Variants in MUC22 observed in about 807,000 individuals in gnomAD.
The protein encoded by MUC22 is mucin 22.
Under a neutral mutation model 40.3 loss-of-function variants are expected in MUC22, and 24 were observed. The observed-to-expected ratio is 0.60, with a 90% CI of 0.43 to 0.84. The LOEUF (loss-of-function observed/expected upper bound fraction) is 0.84, where lower values mean the gene tolerates loss of function less well. Ranked by LOEUF, MUC22 falls within the 40% of genes least tolerant of loss-of-function variation. The pLI, the probability that MUC22 is intolerant of heterozygous loss-of-function variation, is 0.00. For synonymous variants in MUC22, 765 were observed against 844.5 expected, an observed-to-expected ratio of 0.91 and a Z score of 1.63; for missense variants, 1,926 against 2,130.7, an observed-to-expected ratio of 0.90 and a Z score of 1.89.
At chr6:31,031,923 A>C (rs924562881) in intron 2 of MUC22, among the ~76,000 whole-genome samples, 1 of 152,120 alleles carries the variant, frequency 6.6e-6, no homozygotes, top group Non-Finnish European at 1.5e-5. Flanking sequence ...TTCTGAACCC[A>C]TCGCGATAAC....
At chr6:31,022,400 G>A (rs1026311402) in intron 1 of MUC22, among the ~76,000 whole-genome samples, 1 of 152,072 alleles carries the variant, frequency 6.6e-6, no homozygotes, top group Non-Finnish European at 1.5e-5. Context: ...CTGGTGATCT[G>A]CCTGCCTCTG....
intron 2 of MUC22, among the ~76,000 whole-genome samples, chr6:31,030,530 A>G (rs1765981985): frequency 1.3e-5 from 2 of 151,380 alleles, no homozygotes; most frequent in South Asian, 4.2e-4. Flanking sequence ...AAAAAAAAAA[A>G]AAATGTCCTC....
At chr6:31,026,000 C>T (rs2150782631) in exon 2 of MUC22, 2 of 1,531,930 alleles carry the variant, frequency 1.3e-6, no homozygotes, top group African/African-American at 1.4e-5. Flanking sequence ...ACAGTCTCTA[C>T]CACAGGCTCT....
In MUC22 at chr6:31,029,563, GT is replaced by G; in HGVS notation, c.4135del (p.Ser1379LeufsTer17). ...TACTGAAGGCTCTGAGGCCACTACA[GT>G]TTCTACCACTAGCTCTGAGACCACC... On this transcript the variant is annotated frameshift_variant, in exon 2 of 4. Transcript: ENST00000561890. LOFTEE classifies it high-confidence loss of function. The G allele has an allele frequency of 6.5e-7, 1 of 1,529,018 alleles. No homozygotes were observed. The highest frequency in any genetic ancestry group is 8.8e-7 in the Non-Finnish European group (1 of 1,142,344). 94.7% of individuals were successfully genotyped at this position (1,529,018 alleles called of 1,614,324 possible).
chr6:31,009,393 C>T (rs542615523), upstream of MUC22, among the ~76,000 whole-genome samples: 1 of 152,270 alleles, frequency 6.6e-6, no homozygotes, highest in South Asian at 2.1e-4. Flanking sequence ...CACATGCATA[C>T]ACTCACCTAC....
intron 1 of MUC22, among the ~76,000 whole-genome samples, 154 bp downstream of exon 1, chr6:31,010,930 A>AGTACT (rs141828082): frequency 0.12 from 17,004 of 144,972 alleles, 1,166 homozygotes; most frequent in African/African-American, 0.16. Context: ...TGCAAAAGCC[A>AGTACT]GTACTGATCC....
At chr6:31,010,400 G>T, upstream of MUC22, 1 of 344,410 alleles carries the variant, frequency 2.9e-6, no homozygotes, top group Non-Finnish European at 5.3e-6. Flanking sequence ...GCCCCTCCCT[G>T]GGGAGGGAGG....
chr6:31,020,422 C>T (rs529173987), intron 1 of MUC22, among the ~76,000 whole-genome samples: 9 of 148,882 alleles, frequency 6.0e-5, no homozygotes, highest in African/African-American at 2.2e-4. Context: ...ACTGGAAGAC[C>T]TTGCCTCCTG....
Position 31,026,600 on chromosome 6 carries a change from C to G in MUC22, c.1169C>G (p.Ser390Cys). The change falls in exon 2 of 4, where the codon TCT becomes TGT. Residue 390 changes from serine (S) to cysteine (C), a missense_variant. By Grantham distance (112) the Ser-to-Cys change is moderately radical. Coordinates refer to ENST00000561890, the Ensembl canonical transcript of MUC22. Reference sequence around the variant, plus strand: ...ACAAGCTCTGAGACCACCGTCACCTCTACTGCAGGCTCTGAGACCACCACA... The same window carrying G: ...ACAAGCTCTGAGACCACCGTCACCTGTACTGCAGGCTCTGAGACCACCACA... 2.0e-6 allele frequency: 3 copies of G among 1,507,032 alleles called. No homozygotes were observed. The Middle Eastern group carries it at 5.1e-4, about 258-fold the overall frequency. The allele number at this position is 1,507,032 out of a possible 1,614,324, so 93.4% of individuals were successfully genotyped here.
exon 2 of MUC22, chr6:31,027,318 T>C (rs549585253): frequency 1.3e-6 from 2 of 1,529,160 alleles, no homozygotes; most frequent in African/African-American, 1.4e-5. Flanking sequence ...CCACAGCCTC[T>C]ACTGAAGGCT....
At chr6:31,012,520 C>G (rs908351308) in intron 1 of MUC22, among the ~76,000 whole-genome samples, 1 of 152,128 alleles carries the variant, frequency 6.6e-6, no homozygotes, top group African/African-American at 2.4e-5. Context: ...TTATAGAGCT[C>G]CTCCTCTGGG....
rs1442178061 is a variant in MUC22, at chr6:31,028,820, CCA to C, written c.3390_3391del (p.Ile1131ArgfsTer3). On this transcript the variant is annotated frameshift_variant, in exon 2 of 4. Coordinates refer to ENST00000561890, the Ensembl canonical transcript of MUC22. LOFTEE classifies it high-confidence loss of function. ...AGCTCTGAGACCACTACAGCCACTA[CCA>C]TAGGCTCTGAGACCACCACAGCCTC... 2.0e-6 allele frequency: 3 copies of C among 1,532,838 alleles called. No individual in the cohort carries two copies. Among genetic ancestry groups the C allele is most frequent in the African/African-American group, 1.4e-5 (1 of 72,804 alleles). The allele number at this position is 1,532,838 out of a possible 1,614,324, so 95.0% of individuals were successfully genotyped here. A position where few individuals can be genotyped will look rare whatever the true frequency, so the allele number is the denominator to read the frequency against.
At chr6:31,026,324 C>T (rs1203244123) in exon 2 of MUC22, 1 of 1,509,374 alleles carries the variant, frequency 6.6e-7, no homozygotes, top group Non-Finnish European at 8.9e-7. Flanking sequence ...TCTGAGACCA[C>T]CACCCCCTCC....
At chr6:31,031,638 T>C (rs1286068753) in intron 2 of MUC22, among the ~76,000 whole-genome samples, 1 of 152,168 alleles carries the variant, frequency 6.6e-6, no homozygotes, top group East Asian at 1.9e-4. Context: ...CACTGCACCA[T>C]ATTTGAAGTC....
chr6:31,010,561 C>T, exon 1 of MUC22: 1 of 618,980 alleles, frequency 1.6e-6, no homozygotes. Context: ...CTTACCCTGG[C>T]ACTGGCTGGC....
At chr6:31,014,618 A>T (rs1377542155) in intron 1 of MUC22, among the ~76,000 whole-genome samples, 18 of 152,196 alleles carry the variant, frequency 1.2e-4, no homozygotes, top group Admixed American at 1.1e-3. Context: ...GGGTAATGCT[A>T]AGCTGCTGTA....
Position 31,011,663 on chromosome 6 carries a change from CT to C in MUC22, c.70+893del, listed in dbSNP as rs1581599317. On this transcript the variant is annotated intron_variant, in intron 1 of 3. Coordinates refer to ENST00000561890, the Ensembl canonical transcript of MUC22. This position sits in a 1 kb window ranked among gnomAD's most constrained non-coding sequence, Gnocchi z 4.5. ...GCTATAAACATGTGTGTGCAAGTGT[CT>C]TTTTTGTATAATGACTTCTTTTCCT... 6.6e-6 allele frequency among the ~76,000 whole-genome samples: 1 copy of C among 152,154 alleles called. No homozygotes were observed. Among genetic ancestry groups the C allele is most frequent in the Non-Finnish European group, 1.5e-5 (1 of 68,034 alleles).
exon 2 of MUC22, chr6:31,026,148 A>T (rs1402209474): frequency 6.6e-7 from 1 of 1,523,156 alleles, no homozygotes; most frequent in Non-Finnish European, 8.8e-7. Context: ...AGGCCACCAC[A>T]ACCTCAACTG....
intron 1 of MUC22, among the ~76,000 whole-genome samples, chr6:31,013,808 C>T (rs577737524): frequency 2.0e-5 from 3 of 152,306 alleles, no homozygotes; most frequent in South Asian, 4.1e-4. Context: ...GGATTACAGG[C>T]GTGAGCCATT....
Sources: allele counts gnomAD v4.1 joint callset (sites outside exome capture counted in the v4.1 genomes callset), GRCh38; gene constraint gnomAD v4.1.1; non-coding constraint Gnocchi (gnomAD v3.1); transcripts MANE v1.5; gene names NCBI Gene and HGNC (gene_info 2026-07-23, HGNC 2026-07-21).